SUGCT: variants seen among roughly 807,000 people sequenced by gnomAD.
The protein encoded by SUGCT is succinyl-CoA:glutarate-CoA transferase, also known as succinyl-CoA:glutarate CoA-transferase.
A neutral mutation model predicts 55.0 loss-of-function variants in SUGCT; 41 were observed. The ratio of observed to expected loss-of-function variants is 0.74; its 90% CI spans 0.58 to 0.97. The LOEUF is 0.97. SUGCT is among the 50% of genes least tolerant of loss of function. The pLI is 0.00. For synonymous variants in SUGCT, 187 were observed against 200.4 expected (o/e 0.93, Z 0.56); for missense variants, 568 against 547.8 (o/e 1.04, Z -0.37).
chr7:40,409,215 C>T (rs750756931), intron 9 of SUGCT, among the ~76,000 whole-genome samples: 13 of 152,136 alleles, frequency 8.5e-5, no homozygotes, highest in Non-Finnish European at 1.8e-4. Context: ...TTGGCCTCTC[C>T]AAAGTGCTGG....
chr7:40,810,393 A>G (rs1791348312), intron 13 of SUGCT, among the ~76,000 whole-genome samples: 1 of 152,184 alleles, frequency 6.6e-6, no homozygotes, highest in Non-Finnish European at 1.5e-5. Flanking sequence ...AACAATGTAT[A>G]AATGTTCCTT....
intron 12 of SUGCT, among the ~76,000 whole-genome samples, chr7:40,683,553 T>C (rs566891230): frequency 2.0e-5 from 3 of 152,358 alleles, no homozygotes; most frequent in Admixed American, 2.0e-4. Flanking sequence ...CCTTTCCCAC[T>C]GTGGGAATCT....
intron 11 of SUGCT, among the ~76,000 whole-genome samples, chr7:40,459,430 T>C (rs1789674379): frequency 6.6e-6 from 1 of 152,200 alleles, no homozygotes; most frequent in Non-Finnish European, 1.5e-5. Flanking sequence ...AACAATGATA[T>C]AAATAAGAAA....
At chr7:40,667,177 G>C (rs1226398580) in intron 12 of SUGCT, among the ~76,000 whole-genome samples, 2 of 151,332 alleles carry the variant, frequency 1.3e-5, no homozygotes, top group Non-Finnish European at 2.9e-5. Flanking sequence ...TAATGAGATA[G>C]AAAACATTTT....
chr7:40,494,247 G>A (rs1791855427), intron 11 of SUGCT, among the ~76,000 whole-genome samples: 1 of 152,098 alleles, frequency 6.6e-6, no homozygotes, highest in South Asian at 2.1e-4. Context: ...AATTTATCAG[G>A]CTAACTGTTT....
the SUGCT span, among the ~76,000 whole-genome samples, chr7:40,877,264 C>A: frequency 6.6e-6 from 1 of 152,176 alleles, no homozygotes; most frequent in Admixed American, 6.5e-5. Flanking sequence ...GAATACCTTT[C>A]ATGTTATACC....
intron 12 of SUGCT, among the ~76,000 whole-genome samples, chr7:40,734,641 T>A (rs1224764268): frequency 6.6e-6 from 1 of 152,150 alleles, no homozygotes; most frequent in Non-Finnish European, 1.5e-5. Context: ...AGAGAATCCA[T>A]GTGCATTTTT....
intron 13 of SUGCT, among the ~76,000 whole-genome samples, chr7:40,812,869 C>A (rs909527082): frequency 3.9e-5 from 6 of 152,058 alleles, no homozygotes; most frequent in Middle Eastern, 6.8e-3. Flanking sequence ...ATAAACTTTC[C>A]TCTTATCACT....
chr7:40,502,195 T>C (rs1051253239), intron 12 of SUGCT, among the ~76,000 whole-genome samples: 1 of 152,146 alleles, frequency 6.6e-6, no homozygotes, highest in Non-Finnish European at 1.5e-5. Context: ...CATATGTACT[T>C]TATGTTTTCT....
At chr7:40,213,946 G>C (rs1787484676) in intron 6 of SUGCT, among the ~76,000 whole-genome samples, 1 of 151,916 alleles carries the variant, frequency 6.6e-6, no homozygotes, top group South Asian at 2.1e-4. Context: ...CTACAACTCA[G>C]TGCTTGTTTT....
Position 40,607,448 on chromosome 7 carries a change from T to A in SUGCT, c.1089+111062T>A, listed in dbSNP as rs774094584. On this transcript the variant is annotated intron_variant, in intron 12 of 13. Coordinates refer to ENST00000335693, the MANE Select transcript of SUGCT (RefSeq NM_001193313.2). ...TGACATTGAAGACTCTGAGAAGTTC[T>A]GCAGGAACCTAGCGTTTCCCAGTCT... Among the ~76,000 whole-genome samples the A allele has an allele frequency of 3.7e-4, 56 of 152,302 alleles. 1 individual carries two copies. The highest frequency in any genetic ancestry group is 6.5e-4 in the Non-Finnish European group (44 of 68,024).
chr7:40,429,323 G>A (rs746320749), intron 9 of SUGCT, among the ~76,000 whole-genome samples: 1 of 152,058 alleles, frequency 6.6e-6, no homozygotes, highest in Non-Finnish European at 1.5e-5. Context: ...TGGTGTATTA[G>A]TCAGGGTTCT....
intron 13 of SUGCT, among the ~76,000 whole-genome samples, chr7:40,813,468 G>A (rs1028978170): frequency 1.3e-5 from 2 of 152,074 alleles, no homozygotes; most frequent in African/African-American, 4.8e-5. Flanking sequence ...TGTAATGCCT[G>A]TCTTTGTCCT....
At chr7:40,984,816 C>T in the SUGCT span, among the ~76,000 whole-genome samples, 5 of 152,122 alleles carry the variant, frequency 3.3e-5, no homozygotes, top group African/African-American at 7.2e-5. Flanking sequence ...CAGCCTTCCT[C>T]TCCTGTAAGA....
At chr7:40,164,099 C>T (rs1322247202) in intron 1 of SUGCT, among the ~76,000 whole-genome samples, 2 of 150,724 alleles carry the variant, frequency 1.3e-5, no homozygotes, top group Non-Finnish European at 2.9e-5. Context: ...GGATTATAGG[C>T]GTGAGCCACC....
chr7:40,894,121 T>C, the SUGCT span, among the ~76,000 whole-genome samples: 1 of 150,484 alleles, frequency 6.6e-6, no homozygotes, highest in African/African-American at 2.4e-5. Flanking sequence ...ATGGTACTGA[T>C]ACAAAAACAG....
chr7:40,421,668 A>G (rs532593546), intron 9 of SUGCT, among the ~76,000 whole-genome samples: 1 of 152,196 alleles, frequency 6.6e-6, no homozygotes. Context: ...ATTTACAACC[A>G]TCTAAATAAA....
chr7:40,336,359 C>T (rs1031649640), intron 9 of SUGCT, among the ~76,000 whole-genome samples: 3 of 152,188 alleles, frequency 2.0e-5, no homozygotes, highest in African/African-American at 4.8e-5. Flanking sequence ...TAGAATTCGG[C>T]TGTGAATCCA....
chr7:40,482,102 T>C (rs1791084735), intron 11 of SUGCT, among the ~76,000 whole-genome samples: 1 of 152,160 alleles, frequency 6.6e-6, no homozygotes, highest in Non-Finnish European at 1.5e-5. Flanking sequence ...CAAGAATGGA[T>C]TGTAGTGAAA....
Sources: allele counts gnomAD v4.1 joint callset (sites outside exome capture counted in the v4.1 genomes callset), GRCh38; gene constraint gnomAD v4.1.1; transcripts MANE v1.5; gene names NCBI Gene and HGNC (gene_info 2026-07-23, HGNC 2026-07-21).